Variants in CELF2 observed in about 807,000 individuals in gnomAD.
CELF2 encodes CUGBP Elav-like family member 2, also known as CUG triplet repeat RNA-binding protein 2.
In CELF2, 8 loss-of-function variants were observed where a neutral mutation model predicts 62.6. The ratio of observed to expected loss-of-function variants is 0.13; its 90% CI spans 0.07 to 0.23. The LOEUF (loss-of-function observed/expected upper bound fraction) is 0.23, where lower values mean the gene tolerates loss of function less well. CELF2 is among the 10% of genes least tolerant of loss of function. The probability of loss-of-function intolerance (pLI) is 1.00; values close to 1 mark genes in which losing one functional copy is unlikely to be tolerated. For synonymous variants in CELF2, 258 were observed against 250.0 expected (o/e 1.03, Z -0.30); for missense variants, 333 against 671.0 (o/e 0.50, Z 5.56).
At chr10:10,757,788 G>GA in the CELF2 span, among the ~76,000 whole-genome samples, 1 of 152,168 alleles carries the variant, frequency 6.6e-6, no homozygotes, top group African/African-American at 2.4e-5. Flanking sequence ...AGAGAGGGAG[G>GA]AAAAAAGAAG....
At chr10:10,658,992 A>G in the CELF2 span, among the ~76,000 whole-genome samples, 59 of 152,330 alleles carry the variant, frequency 3.9e-4, no homozygotes, top group East Asian at 3.9e-3. Context: ...ACAGATCTGC[A>G]TAACTGGGGT....
the CELF2 span, among the ~76,000 whole-genome samples, chr10:10,736,393 TTTC>T: frequency 0.016 from 1,349 of 85,884 alleles, 10 homozygotes; most frequent in African/African-American, 0.034. Flanking sequence ...TCTTTCTTTC[TTTC>T]TTTTTTTTTT....
the CELF2 span, among the ~76,000 whole-genome samples, chr10:10,694,420 C>T: frequency 1.3e-5 from 2 of 151,570 alleles, no homozygotes; most frequent in African/African-American, 2.4e-5. Flanking sequence ...CTGAGGAGAG[C>T]TTTACTTCCA....
the CELF2 span, among the ~76,000 whole-genome samples, chr10:10,488,598 C>G: frequency 6.6e-6 from 1 of 152,070 alleles, no homozygotes; most frequent in African/African-American, 2.4e-5. Context: ...AGACAAGAAA[C>G]TAATGCACAA....
chr10:11,327,533 G>T (rs1223343143), intron 12 of CELF2, among the ~76,000 whole-genome samples: 1 of 152,142 alleles, frequency 6.6e-6, no homozygotes, highest in Non-Finnish European at 1.5e-5. Flanking sequence ...AGGGCTGCCA[G>T]TCATAAGGTA....
chr10:10,613,973 A>G, the CELF2 span, among the ~76,000 whole-genome samples: 1 of 152,138 alleles, frequency 6.6e-6, no homozygotes, highest in African/African-American at 2.4e-5. Flanking sequence ...CTCAATGTCT[A>G]TAATTTTTAA....
chr10:10,609,841 T>A, the CELF2 span, among the ~76,000 whole-genome samples: 3 of 152,234 alleles, frequency 2.0e-5, no homozygotes, highest in South Asian at 6.2e-4. Context: ...TGTGCCATCG[T>A]CTGCATCTAC....
At chr10:11,118,022 C>T (rs1245495979) in intron 1 of CELF2, among the ~76,000 whole-genome samples, 1 of 152,064 alleles carries the variant, frequency 6.6e-6, no homozygotes, top group Non-Finnish European at 1.5e-5. Flanking sequence ...AAAGGGTAAT[C>T]AGAAGCATTT....
chr10:10,518,726 T>TAA, the CELF2 span, among the ~76,000 whole-genome samples: 731 of 151,008 alleles, frequency 4.8e-3, 5 homozygotes, highest in African/African-American at 0.016. Context: ...GATTTTTTTT[T>TAA]AAAAAAAAAT....
intron 1 of CELF2, among the ~76,000 whole-genome samples, chr10:11,123,533 A>T (rs2058139892): frequency 6.6e-6 from 1 of 152,200 alleles, no homozygotes; most frequent in African/African-American, 2.4e-5. Flanking sequence ...TATAGGTGTG[A>T]GCCACCATGC....
chr10:11,304,501 T>C (rs938689540), intron 9 of CELF2, among the ~76,000 whole-genome samples: 1 of 152,230 alleles, frequency 6.6e-6, no homozygotes, highest in Non-Finnish European at 1.5e-5. Context: ...GCAGTGCATC[T>C]GGTGAGGGCC....
At chr10:11,024,850 T>A (rs7073548) in intron 1 of CELF2, among the ~76,000 whole-genome samples, 112,160 of 152,026 alleles carry the variant, frequency 0.74, 45,025 homozygotes, top group East Asian at 0.9. Flanking sequence ...TTATTTCACA[T>A]CTTGACATAG....
chr10:10,470,615 C>G, the CELF2 span, among the ~76,000 whole-genome samples: 3 of 151,762 alleles, frequency 2.0e-5, no homozygotes, highest in African/African-American at 7.3e-5. Flanking sequence ...TCAAATACTT[C>G]TTACACTTCA....
Position 11,297,448 on chromosome 10 carries a change from A to G in CELF2, c.976+8896A>G, listed in dbSNP as rs1428805553. Among the ~76,000 whole-genome samples the G allele has an allele frequency of 1.3e-5, 2 of 152,036 alleles. No individual in the cohort carries two copies. Among genetic ancestry groups the G allele is most frequent in the African/African-American group, 4.8e-5 (2 of 41,394 alleles). Reference sequence around the variant, plus strand: ...AAGCCTTGGGGTCTGTGCTTGTGGAACAGAGGGACCAGGGGATGGAAAGGG... The same window carrying G: ...AAGCCTTGGGGTCTGTGCTTGTGGAGCAGAGGGACCAGGGGATGGAAAGGG... On this transcript the variant is annotated intron_variant, in intron 9 of 12. Transcript: ENST00000633077. The surrounding 1 kb of genome is among the most constrained non-coding windows in gnomAD (Gnocchi z 4.4).
At chr10:11,022,097 G>A (rs566866098) in intron 1 of CELF2, among the ~76,000 whole-genome samples, 1 of 152,140 alleles carries the variant, frequency 6.6e-6, no homozygotes, top group Non-Finnish European at 1.5e-5. Context: ...AAATAATACG[G>A]AGATAACTGG....
intron 1 of CELF2, among the ~76,000 whole-genome samples, chr10:11,089,798 T>C (rs746407391): frequency 2.0e-5 from 3 of 152,126 alleles, no homozygotes; most frequent in Non-Finnish European, 4.4e-5. Context: ...CAGTGCCAGG[T>C]TGGATAAAGA....
chr10:11,308,991 T>A (rs137911740), intron 9 of CELF2, among the ~76,000 whole-genome samples: 31 of 152,378 alleles, frequency 2.0e-4, no homozygotes, highest in African/African-American at 7.0e-4. Context: ...TTTCAGCCTT[T>A]TTATTGGCAT....
chr10:11,062,153 G>C (rs183542049), intron 1 of CELF2, among the ~76,000 whole-genome samples: 2,295 of 149,950 alleles, frequency 0.015, 27 homozygotes, highest in Non-Finnish European at 0.024. Flanking sequence ...GCTCAGGGGG[G>C]GAAAAAAAAA....
chr10:10,660,240 A>G, the CELF2 span, among the ~76,000 whole-genome samples: 204 of 152,346 alleles, frequency 1.3e-3, 1 homozygote, highest in Non-Finnish European at 2.5e-3. Context: ...TAATAATAAC[A>G]ACAATAGCTA....
Sources: allele counts gnomAD v4.1 joint callset (sites outside exome capture counted in the v4.1 genomes callset), GRCh38; gene constraint gnomAD v4.1.1; non-coding constraint Gnocchi (gnomAD v3.1); transcripts MANE v1.5; gene names NCBI Gene and HGNC (gene_info 2026-07-23, HGNC 2026-07-21).